The following BMPER variants were observed in gnomAD, a reference collection of about 807,000 sequenced individuals.
The protein encoded by BMPER is BMP binding endothelial regulator, also known as BMP-binding endothelial regulator protein.
In BMPER, 45 loss-of-function variants were observed where a neutral mutation model predicts 87.3. That is an observed-to-expected ratio of 0.52 (90% CI 0.41 to 0.66). The LOEUF (loss-of-function observed/expected upper bound fraction) is 0.66, where lower values mean the gene tolerates loss of function less well. Among genes scored for constraint, BMPER ranks in the 30% least tolerant of loss-of-function variants. BMPER has a pLI of 0.00. For missense variants in BMPER, 784 were observed against 867.5 expected, an observed-to-expected ratio of 0.90 and a Z score of 1.21; for synonymous variants, 326 against 316.2, an observed-to-expected ratio of 1.03 and a Z score of -0.33.
intron 2 of BMPER, among the ~76,000 whole-genome samples, chr7:33,932,634 A>G (rs1784509097): frequency 6.6e-6 from 1 of 152,168 alleles, no homozygotes; most frequent in African/African-American, 2.4e-5. Context: ...GGTGTTTCAT[A>G]GTCTAAAAAT....
chr7:34,097,324 G>A (rs1789555490), intron 13 of BMPER, among the ~76,000 whole-genome samples: 1 of 152,112 alleles, frequency 6.6e-6, no homozygotes, highest in Non-Finnish European at 1.5e-5. Context: ...TAGACTTCAG[G>A]GTGTGTGGAC....
chr7:33,988,719 C>T (rs1208553497), intron 6 of BMPER, among the ~76,000 whole-genome samples: 3 of 151,228 alleles, frequency 2.0e-5, no homozygotes, highest in African/African-American at 4.9e-5. Context: ...TACCCACTAA[C>T]TCGTCATCTA....
At chr7:34,035,876 TA>T in intron 6 of BMPER, among the ~76,000 whole-genome samples, 1 of 152,302 alleles carries the variant, frequency 6.6e-6, no homozygotes, top group South Asian at 2.1e-4. Flanking sequence ...AGCCAGAACT[TA>T]AAGGTCAACA....
At chr7:34,094,307 T>C (rs1171818867) in intron 13 of BMPER, among the ~76,000 whole-genome samples, 2 of 152,200 alleles carry the variant, frequency 1.3e-5, no homozygotes, top group East Asian at 1.9e-4. Flanking sequence ...CAGACAGCTA[T>C]GCATGAGAAA....
intron 6 of BMPER, among the ~76,000 whole-genome samples, chr7:34,030,064 T>C (rs1197617583): frequency 6.6e-6 from 1 of 152,088 alleles, no homozygotes; most frequent in East Asian, 1.9e-4. Flanking sequence ...AATCTTGATG[T>C]AGCTTGTATT....
At chr7:34,133,077 G>C (rs935410920) in intron 13 of BMPER, among the ~76,000 whole-genome samples, 7 of 152,128 alleles carry the variant, frequency 4.6e-5, no homozygotes, top group Non-Finnish European at 8.8e-5. Context: ...GAGATGCAGA[G>C]CTTCTAAATC....
intron 3 of BMPER, among the ~76,000 whole-genome samples, chr7:33,955,219 T>G (rs1785121573): frequency 6.6e-6 from 1 of 152,230 alleles, no homozygotes; most frequent in African/African-American, 2.4e-5. Context: ...AATTTTGTCC[T>G]GTTTTTAGAA....
chr7:34,127,039 A>G (rs1346448304), intron 13 of BMPER, among the ~76,000 whole-genome samples: 1 of 152,214 alleles, frequency 6.6e-6, no homozygotes, highest in Non-Finnish European at 1.5e-5. Flanking sequence ...GCAAAAGAAT[A>G]ATAAACCTTA....
intron 3 of BMPER, among the ~76,000 whole-genome samples, chr7:33,963,027 C>T (rs1286402742): frequency 1.3e-5 from 2 of 152,084 alleles, no homozygotes; most frequent in Non-Finnish European, 2.9e-5. Context: ...GCAATTTAGA[C>T]CTGGATGTAA....
intron 12 of BMPER, among the ~76,000 whole-genome samples, chr7:34,082,327 AG>A (rs1323502276): frequency 1.7e-5 from 1 of 58,352 alleles, no homozygotes; most frequent in African/African-American, 5.9e-5. Context: ...ACAACTTATT[AG>A]TTTTTTTTTT....
chr7:34,099,846 G>A (rs952677075), intron 13 of BMPER, among the ~76,000 whole-genome samples: 1 of 151,856 alleles, frequency 6.6e-6, no homozygotes, highest in East Asian at 1.9e-4. Context: ...CTCAATTGAT[G>A]TGTTATTAGC....
chr7:34,095,625 A>G (rs1257332195), intron 13 of BMPER, among the ~76,000 whole-genome samples: 1 of 152,258 alleles, frequency 6.6e-6, no homozygotes, highest in African/African-American at 2.4e-5. Context: ...CTCCTCTGAG[A>G]AAAGTGAAAG....
intron 2 of BMPER, among the ~76,000 whole-genome samples, chr7:33,916,618 G>C (rs955948729): frequency 2.0e-5 from 3 of 152,242 alleles, no homozygotes; most frequent in Admixed American, 6.5e-5. Context: ...CTTGGGACTA[G>C]AAGTCCTGCC....
At chr7:33,930,930 A>AT (rs762749054) in intron 2 of BMPER, among the ~76,000 whole-genome samples, 3 of 152,178 alleles carry the variant, frequency 2.0e-5, no homozygotes, top group Admixed American at 6.5e-5. Context: ...AGCCTGGGTG[A>AT]TGGAGCAAGA....
chr7:33,994,344 C>T (rs1408336951), intron 6 of BMPER, among the ~76,000 whole-genome samples: 3 of 152,328 alleles, frequency 2.0e-5, no homozygotes, highest in Non-Finnish European at 4.4e-5. Flanking sequence ...TTAAGCCCGT[C>T]GGAAAAGCGC....
chr7:34,051,174 T>C (rs1788138833), intron 7 of BMPER, among the ~76,000 whole-genome samples: 1 of 152,152 alleles, frequency 6.6e-6, no homozygotes, highest in Admixed American at 6.6e-5. Flanking sequence ...CTAATCTAAG[T>C]CATGAGAGCT....
chr7:34,046,401 T>G lies in BMPER; in HGVS notation c.672T>G (p.Cys224Trp). ...CCCCAGGACAGTGCTGCCCCAAATG[T>G]TTGGGTGAGTTACTATTTTCAGGTC... Reference protein sequence around the residue: ...HIPPGQCCPKCLGQRKVFDLP... With the variant: ...HIPPGQCCPKWLGQRKVFDLP... Residue 224 changes from cysteine (C) to tryptophan (W), a missense_variant, in exon 7 of 15, where the codon TGT (cysteine) becomes TGG (tryptophan). Transcript: ENST00000649409. 6.2e-7 allele frequency: 1 copy of G among 1,612,746 alleles called. No individual in the cohort carries two copies. Among genetic ancestry groups the G allele is most frequent in the Non-Finnish European group, 8.5e-7 (1 of 1,178,808 alleles).
chr7:34,041,073 C>T (rs1040204415), intron 6 of BMPER, among the ~76,000 whole-genome samples: 5 of 152,132 alleles, frequency 3.3e-5, no homozygotes, highest in African/African-American at 9.7e-5. Context: ...CTTCACACTC[C>T]AGCTGAGAAA....
chr7:34,119,510 C>T (rs1790209238), intron 13 of BMPER, among the ~76,000 whole-genome samples: 1 of 152,104 alleles, frequency 6.6e-6, no homozygotes, highest in South Asian at 2.1e-4. Flanking sequence ...CCAATTTAAC[C>T]TTATAAGTAA....
Sources: allele counts gnomAD v4.1 joint callset (sites outside exome capture counted in the v4.1 genomes callset), GRCh38; gene constraint gnomAD v4.1.1; transcripts MANE v1.5; gene names NCBI Gene and HGNC (gene_info 2026-07-23, HGNC 2026-07-21).